The following MDGA2 variants were observed in gnomAD, a reference collection of about 807,000 sequenced individuals.
MDGA2 encodes the protein MAM domain containing glycosylphosphatidylinositol anchor 2.
MDGA2 carries 40 observed loss-of-function variants against 117.8 expected under a neutral mutation model. The observed-to-expected ratio is 0.34, with a 90% confidence interval of 0.26 to 0.44. The LOEUF (loss-of-function observed/expected upper bound fraction) is 0.44. Among genes scored for constraint, MDGA2 ranks in the 20% least tolerant of loss-of-function variants. MDGA2 has a pLI of 1.00. For synonymous variants in MDGA2, 452 were observed against 439.0 expected (o/e 1.03, Z -0.37); for missense variants, 1,123 against 1,250.6 (o/e 0.90, Z 1.54).
In MDGA2 at chr14:46,866,101, A is replaced by G. The variant is rs1881746968; in HGVS notation, c.2752+7332T>C. On this transcript the variant is annotated intron_variant, in intron 14 of 16. Coordinates refer to ENST00000399232, the MANE Select transcript of MDGA2 (RefSeq NM_001113498.3). ...ATCACCAAGTCAATCCTAAGCCAAAAGAACAAAGCTGGAGGCATCACACTA... is the reference window on the plus strand; with the variant it reads ...ATCACCAAGTCAATCCTAAGCCAAAGGAACAAAGCTGGAGGCATCACACTA... 7.9e-5 allele frequency among the ~76,000 whole-genome samples: 12 copies of G among 152,138 alleles called. No individual in the cohort carries two copies. In the South Asian group the frequency reaches 2.5e-3, roughly 32 times the overall value.
intron 1 of MDGA2, among the ~76,000 whole-genome samples, chr14:47,493,297 A>T (rs1236512869): frequency 6.7e-6 from 1 of 148,444 alleles, no homozygotes; most frequent in African/African-American, 2.5e-5. Flanking sequence ...ATATTTATAT[A>T]TAATTTTATA....
chr14:46,844,838 C>T (rs145082430), intron 16 of MDGA2, among the ~76,000 whole-genome samples: 1 of 152,050 alleles, frequency 6.6e-6, no homozygotes, highest in African/African-American at 2.4e-5. Context: ...ATGCTCTTCT[C>T]ATGAAAGTGA....
chr14:47,582,991 C>A (rs1655239700), intron 1 of MDGA2, among the ~76,000 whole-genome samples: 2 of 151,776 alleles, frequency 1.3e-5, no homozygotes, highest in Non-Finnish European at 2.9e-5. Flanking sequence ...GTAAATAACA[C>A]CAAATTGTAA....
chr14:47,652,121 T>C (rs539124170), intron 1 of MDGA2, among the ~76,000 whole-genome samples: 4 of 152,132 alleles, frequency 2.6e-5, no homozygotes, highest in Non-Finnish European at 5.9e-5. Flanking sequence ...GACAGAAATA[T>C]AAGGATCTTG....
chr14:47,495,351 A>G (rs2138662446), intron 1 of MDGA2, among the ~76,000 whole-genome samples: 1 of 152,158 alleles, frequency 6.6e-6, no homozygotes, highest in Admixed American at 6.5e-5. Flanking sequence ...TGAAGTTCAG[A>G]TTTTACCATT....
At chr14:47,173,086 G>A (rs950395753) in intron 3 of MDGA2, among the ~76,000 whole-genome samples, 3 of 152,034 alleles carry the variant, frequency 2.0e-5, no homozygotes, top group African/African-American at 7.2e-5. Context: ...AAGCGAGAAG[G>A]GAAGTTTAGA....
chr14:47,637,080 C>A (rs1388026011), intron 1 of MDGA2, among the ~76,000 whole-genome samples: 1 of 152,110 alleles, frequency 6.6e-6, no homozygotes, highest in African/African-American at 2.4e-5. Flanking sequence ...TATGTACACC[C>A]CTTTTCACAT....
At chr14:47,060,337 A>C (rs1013429852) in intron 7 of MDGA2, among the ~76,000 whole-genome samples, 3 of 152,106 alleles carry the variant, frequency 2.0e-5, no homozygotes, top group Non-Finnish European at 4.4e-5. Context: ...AACCATGAGA[A>C]GGCACAAAAT....
chr14:47,126,363 T>G (rs1881902651), intron 5 of MDGA2, among the ~76,000 whole-genome samples: 1 of 152,128 alleles, frequency 6.6e-6, no homozygotes, highest in Admixed American at 6.6e-5. Flanking sequence ...TCACTTTATC[T>G]TTTATAAAAT....
At chr14:47,043,071 T>C (rs1028784981) in intron 7 of MDGA2, among the ~76,000 whole-genome samples, 1 of 152,066 alleles carries the variant, frequency 6.6e-6, no homozygotes, top group Admixed American at 6.6e-5. Flanking sequence ...GTCTGAATAA[T>C]ACCTTTTAAA....
At chr14:46,881,341 G>A (rs962639630) in intron 11 of MDGA2, among the ~76,000 whole-genome samples, 3 of 152,074 alleles carry the variant, frequency 2.0e-5, no homozygotes, top group Admixed American at 2.0e-4. Flanking sequence ...CATATCATTG[G>A]TTGCCCGGAC....
intron 4 of MDGA2, among the ~76,000 whole-genome samples, chr14:47,133,118 A>AAC (rs1882285019): frequency 6.6e-6 from 1 of 150,742 alleles, no homozygotes; most frequent in Non-Finnish European, 1.5e-5. Flanking sequence ...AAAAAAAAAA[A>AAC]AAACAAACAA....
At chr14:47,094,105 T>C (rs1379389380) in intron 6 of MDGA2, among the ~76,000 whole-genome samples, 1 of 149,832 alleles carries the variant, frequency 6.7e-6, no homozygotes. Flanking sequence ...CATATTATTG[T>C]AGTGGTTTTT....
At chr14:47,353,331 CA>C (rs1890924097) in intron 1 of MDGA2, among the ~76,000 whole-genome samples, 1 of 152,120 alleles carries the variant, frequency 6.6e-6, no homozygotes, top group Non-Finnish European at 1.5e-5. Context: ...TGAATGAGCT[CA>C]ATTACAATGA....
At position 47,242,736 on chromosome 14, in the gene MDGA2, G is replaced by C. The variant is rs180708279; in HGVS notation, c.421-24541C>G. Reference sequence around the variant, plus strand: ...TGCCTGAGCCTCCCACCCACTCCATGGGCCCCTGTGCGGCCCGAGCCTCCC... The same window carrying C: ...TGCCTGAGCCTCCCACCCACTCCATCGGCCCCTGTGCGGCCCGAGCCTCCC... On this transcript the variant is annotated intron_variant, in intron 2 of 16. Transcript: ENST00000399232. Among the ~76,000 whole-genome samples the C allele has an allele frequency of 2.1e-4, 32 of 151,892 alleles. No homozygotes were observed. In the East Asian group the frequency reaches 4.9e-3, roughly 23 times the overall value.
At chr14:46,888,292 C>T (rs145742031) in intron 10 of MDGA2, among the ~76,000 whole-genome samples, 21 of 152,004 alleles carry the variant, frequency 1.4e-4, no homozygotes, top group African/African-American at 5.1e-4. Context: ...ACTGATTGAA[C>T]GTAATACCAG....
intron 8 of MDGA2, among the ~76,000 whole-genome samples, chr14:47,019,731 C>A (rs1445675445): frequency 6.6e-6 from 1 of 151,572 alleles, no homozygotes; most frequent in Non-Finnish European, 1.5e-5. Context: ...GTAGTCCCAG[C>A]TACTCAGGAC....
At chr14:47,168,212 G>A (rs1224207946) in intron 3 of MDGA2, among the ~76,000 whole-genome samples, 2 of 144,216 alleles carry the variant, frequency 1.4e-5, no homozygotes, top group Non-Finnish European at 3.0e-5. Context: ...AAGAAAAAAA[G>A]AGCCTAAAAG....
At chr14:46,851,672 A>C (rs1881060674) in intron 15 of MDGA2, among the ~76,000 whole-genome samples, 1 of 151,854 alleles carries the variant, frequency 6.6e-6, no homozygotes, top group Non-Finnish European at 1.5e-5. Flanking sequence ...AAAGAGACTC[A>C]AAGTCACTTA....
Sources: allele counts gnomAD v4.1 joint callset (sites outside exome capture counted in the v4.1 genomes callset), GRCh38; gene constraint gnomAD v4.1.1; transcripts MANE v1.5; gene names NCBI Gene and HGNC (gene_info 2026-07-23, HGNC 2026-07-21).